Variants in MIGA2 observed in about 807,000 individuals in gnomAD.
The protein encoded by MIGA2 is family with sequence similarity 73, member B.
MIGA2 carries 36 observed loss-of-function variants against 69.9 expected under a neutral mutation model. The observed-to-expected ratio is 0.52, with a 90% CI of 0.39 to 0.68. MIGA2 has a LOEUF of 0.68. Ranked by LOEUF, MIGA2 falls within the 30% of genes least tolerant of loss-of-function variation. MIGA2 has a pLI of 0.00. For synonymous variants in MIGA2, 333 were observed against 349.2 expected (o/e 0.95, Z 0.52); for missense variants, 660 against 787.7 (o/e 0.84, Z 1.94).
intron 6 of MIGA2, among the ~76,000 whole-genome samples, chr9:129,056,166 G>C (rs1447038201): frequency 1.3e-5 from 2 of 151,634 alleles, no homozygotes; most frequent in African/African-American, 4.8e-5. Flanking sequence ...TTGTTCAAGG[G>C]TCACATGTGT....
Position 129,060,718 on chromosome 9 carries a change from C to A in MIGA2, c.894+68C>A. On this transcript the variant is annotated intron_variant, in intron 8 of 15. Coordinates refer to ENST00000684074, the MANE Select transcript of MIGA2 (RefSeq NM_001329990.2). This position sits in a 1 kb window ranked among gnomAD's most constrained non-coding sequence, Gnocchi z 4.8. ...GGGCCTCCTCTGCAGGTCCATGGGG[C>A]CAGCACTGGGTCATGGGAAAGTGGA... 2.3e-6 allele frequency: 3 copies of A among 1,310,366 alleles called. No individual in the cohort carries two copies. The highest frequency in any genetic ancestry group is 3.2e-6 in the Non-Finnish European group (3 of 937,620). 81.2% of individuals were successfully genotyped at this position (1,310,366 alleles called of 1,614,324 possible). A position where few individuals can be genotyped will look rare whatever the true frequency, so the allele number is the denominator to read the frequency against.
At chr9:129,041,582 A>G (rs938735139) in intron 2 of MIGA2, among the ~76,000 whole-genome samples, 4 of 152,082 alleles carry the variant, frequency 2.6e-5, no homozygotes, top group African/African-American at 9.7e-5. Flanking sequence ...CCATCCACCT[A>G]CCTTGGCCTC....
intron 5 of MIGA2, 51 bp downstream of exon 5, chr9:129,049,549 A>C: frequency 6.4e-7 from 1 of 1,566,358 alleles, no homozygotes; most frequent in Admixed American, 1.7e-5. Flanking sequence ...TGGCAGGAAC[A>C]GTCCCTTCCT....
At position 129,061,330 on chromosome 9, in the gene MIGA2, C is replaced by A. The variant is rs756233621; in HGVS notation, c.994C>A (p.Pro332Thr). ...ALQLVKEGRV[P>T]CRTLRTELLG... ...GCAGCTGGTGAAGGAGGGGAGAGTG[C>A]CTTGCCGGACCCTCAGGTGAGCAGG... Residue 332 changes from proline to threonine, a missense_variant, in exon 9 of 16, where the codon CCT (proline) becomes ACT (threonine). Pro to Thr is a conservative substitution (Grantham distance 38). This residue lies in a region of MIGA2 where 386 missense variants were observed against 402.0 expected (regional missense o/e 0.96). Coordinates refer to ENST00000684074, the MANE Select transcript of MIGA2 (RefSeq NM_001329990.2). The surrounding 1 kb of genome is among the most constrained non-coding windows in gnomAD (Gnocchi z 5.0). The A allele has an allele frequency of 1.2e-6, 2 of 1,611,508 alleles. No individual in the cohort carries two copies. Among genetic ancestry groups the A allele is most frequent in the East Asian group, 4.5e-5 (2 of 44,850 alleles).
rs779377167 is a variant in MIGA2 at position 129,068,441 on chromosome 9, C to T, written c.1404+109C>T. On this transcript the variant is annotated intron_variant, in intron 13 of 15. Coordinates refer to ENST00000684074, the MANE Select transcript of MIGA2 (RefSeq NM_001329990.2). The surrounding 1 kb of genome is among the most constrained non-coding windows in gnomAD (Gnocchi z 4.1). ...ACTGGCACCAGGGCTGGGCCCCCAC[C>T]CCCTAGATCCGCGGCTGCCAGGCCT... is the stretch of plus-strand genomic sequence containing the variant. The T allele has an allele frequency of 6.8e-7, 1 of 1,467,082 alleles. No homozygotes were observed. Among genetic ancestry groups the T allele is most frequent in the Non-Finnish European group, 9.2e-7 (1 of 1,087,910 alleles). 90.9% of individuals were successfully genotyped at this position (1,467,082 alleles called of 1,614,324 possible).
At chr9:129,051,654 T>C (rs1225745567) in intron 6 of MIGA2, among the ~76,000 whole-genome samples, 1 of 151,734 alleles carries the variant, frequency 6.6e-6, no homozygotes, top group Admixed American at 6.6e-5. Flanking sequence ...GGAGGTGCAG[T>C]GGCGTGATCT....
intron 1 of MIGA2, among the ~76,000 whole-genome samples, chr9:129,039,593 C>T (rs1325399790): frequency 6.6e-6 from 1 of 151,926 alleles, no homozygotes; most frequent in Non-Finnish European, 1.5e-5. Context: ...GAGTTTTGCT[C>T]TGTAGCCCAG....
At chr9:129,063,655 G>GGC in intron 11 of MIGA2, 24 bp downstream of exon 11, 11 of 645,668 alleles carry the variant, frequency 1.7e-5, no homozygotes, top group Middle Eastern at 2.7e-4. Context: ...GGGTGGGGGG[G>GGC]CAAATTATAA....
intron 10 of MIGA2, 29 bp downstream of exon 10, chr9:129,063,345 G>T (rs751973813): frequency 1.4e-5 from 22 of 1,610,968 alleles, no homozygotes; most frequent in Non-Finnish European, 1.9e-5. Context: ...TTCCTCGGGG[G>T]TGGGAGGCAA....
At chr9:129,058,651 C>T (rs2131375191) in intron 6 of MIGA2, among the ~76,000 whole-genome samples, 1 of 152,026 alleles carries the variant, frequency 6.6e-6, no homozygotes, top group South Asian at 2.1e-4. Flanking sequence ...AGACACCCGC[C>T]ACCACACCCG....
chr9:129,042,598 A>AT, intron 3 of MIGA2, 84 bp downstream of exon 3: 1 of 1,387,106 alleles, frequency 7.2e-7, no homozygotes, highest in Non-Finnish European at 9.8e-7. Context: ...CTACTTGGGG[A>AT]TATTGGGCCA....
rs746539568 is a variant in MIGA2 at position 129,059,126 on chromosome 9, G to A, written c.676-28G>A. The A allele has an allele frequency of 6.3e-5, 101 of 1,591,640 alleles. 1 individual carries two copies. In the Admixed American group the frequency reaches 7.9e-4, roughly 12 times the overall value. ...TTTTCATCGGGAGCTTTGAGGGTCT[G>A]GGTTGAGGGTCCTTGTTTTTATGGC... On this transcript the variant is annotated intron_variant, in intron 6 of 15. Coordinates refer to ENST00000684074, the MANE Select transcript of MIGA2 (RefSeq NM_001329990.2). This position sits in a 1 kb window ranked among gnomAD's most constrained non-coding sequence, Gnocchi z 5.6.
At chr9:129,062,672 C>T (rs374259648) in intron 9 of MIGA2, among the ~76,000 whole-genome samples, 1 of 151,612 alleles carries the variant, frequency 6.6e-6, no homozygotes, top group Non-Finnish European at 1.5e-5. Context: ...GGTGAAACCC[C>T]GTCTCTACTA....
At chr9:129,036,908 C>A in intron 1 of MIGA2, 3 of 996,732 alleles carry the variant, frequency 3.0e-6, no homozygotes, top group Non-Finnish European at 3.6e-6. Flanking sequence ...GGGCCTGGAA[C>A]GTGGCGGGGA....
intron 6 of MIGA2, among the ~76,000 whole-genome samples, chr9:129,050,732 C>T (rs1329341057): frequency 6.7e-6 from 1 of 148,422 alleles, no homozygotes; most frequent in Non-Finnish European, 1.5e-5. Flanking sequence ...CCACCACACC[C>T]AGCTAATTTT....
chr9:129,065,580 C>T (rs1011135520), intron 11 of MIGA2, among the ~76,000 whole-genome samples: 1 of 151,994 alleles, frequency 6.6e-6, no homozygotes, highest in African/African-American at 2.4e-5. Flanking sequence ...GAACTCCTGA[C>T]CTTAGGTGAT....
Position 129,059,527 on chromosome 9 carries a change from T to C in MIGA2, c.793+256T>C, listed in dbSNP as rs1355599074. ...GCAAGTGCACCTGGCTCCATCCTCT[T>C]GGGTGCAGCCTTGGGGTTCGTGTGG... is the stretch of plus-strand genomic sequence containing the variant. On this transcript the variant is annotated intron_variant, in intron 7 of 15. Transcript: ENST00000684074. This position sits in a 1 kb window ranked among gnomAD's most constrained non-coding sequence, Gnocchi z 5.6. Among the ~76,000 whole-genome samples the C allele has an allele frequency of 6.6e-6, 1 of 152,146 alleles. No individual in the cohort carries two copies. The highest frequency in any genetic ancestry group is 1.5e-5 in the Non-Finnish European group (1 of 68,020).
In MIGA2 at chr9:129,069,381, C is replaced by T. The variant is rs962651120; in HGVS notation, c.1458+252C>T. ...GGGAACGGATACCCTAGGGTAGTGG[C>T]CACAGGGCTGGCAGCTGGCCTGGTG... On this transcript the variant is annotated intron_variant, in intron 14 of 15. Coordinates refer to ENST00000684074, the MANE Select transcript of MIGA2 (RefSeq NM_001329990.2). The surrounding 1 kb of genome is among the most constrained non-coding windows in gnomAD (Gnocchi z 4.9). 3.5e-6 allele frequency: 2 copies of T among 571,268 alleles called. No individual in the cohort carries two copies. Among genetic ancestry groups the T allele is most frequent in the South Asian group, 2.1e-5 (1 of 47,572 alleles). The allele number at this position is 571,268 out of a possible 1,614,324, so 35.4% of individuals were successfully genotyped here.
chr9:129,038,061 C>G (rs1476318779), intron 1 of MIGA2, among the ~76,000 whole-genome samples: 2 of 152,152 alleles, frequency 1.3e-5, no homozygotes, highest in Non-Finnish European at 2.9e-5. Flanking sequence ...CTTGTCTTCC[C>G]TCTTTCTGAG....
Sources: allele counts gnomAD v4.1 joint callset (sites outside exome capture counted in the v4.1 genomes callset), GRCh38; gene constraint gnomAD v4.1.1; regional missense constraint gnomAD v4.1.1; non-coding constraint Gnocchi (gnomAD v3.1); transcripts MANE v1.5; gene names NCBI Gene and HGNC (gene_info 2026-07-23, HGNC 2026-07-21).